Variants in PRKCB observed in about 807,000 individuals in gnomAD.
PRKCB encodes protein kinase C beta type.
PRKCB carries 13 observed loss-of-function variants against 81.5 expected under a neutral mutation model. The ratio of observed to expected loss-of-function variants is 0.16; its 90% confidence interval spans 0.10 to 0.25. The LOEUF is 0.25. PRKCB is among the 10% of genes least tolerant of loss of function. The pLI, the probability that PRKCB is intolerant of heterozygous loss-of-function variation, is 1.00. For missense variants in PRKCB, 509 were observed against 875.7 expected (o/e 0.58, Z 5.29); for synonymous variants, 335 against 321.4 (o/e 1.04, Z -0.45).
chr16:23,875,608 TATCA>T (rs1962992154), intron 2 of PRKCB, among the ~76,000 whole-genome samples: 1 of 146,360 alleles, frequency 6.8e-6, no homozygotes, highest in East Asian at 2.1e-4. Context: ...TATGTATGTA[TATCA>T]CACACATATA....
At chr16:24,015,570 A>G (rs1965266617) in intron 3 of PRKCB, among the ~76,000 whole-genome samples, 1 of 152,170 alleles carries the variant, frequency 6.6e-6, no homozygotes, top group Admixed American at 6.5e-5. Context: ...CTCCCTTCCC[A>G]TGGGGCAGAG....
At chr16:23,846,673 G>A (rs866319472) in intron 2 of PRKCB, among the ~76,000 whole-genome samples, 5 of 148,766 alleles carry the variant, frequency 3.4e-5, no homozygotes, top group Middle Eastern at 7.0e-3. Flanking sequence ...TTGAGTCAGC[G>A]AGGGTACACT....
chr16:24,156,432 G>A (rs944785781), intron 10 of PRKCB, among the ~76,000 whole-genome samples: 4 of 151,908 alleles, frequency 2.6e-5, no homozygotes, highest in Non-Finnish European at 4.4e-5. Flanking sequence ...ACACCACCAC[G>A]CCCAGCTAAT....
chr16:23,844,827 ACT>A (rs945004212), intron 2 of PRKCB, among the ~76,000 whole-genome samples: 16 of 141,436 alleles, frequency 1.1e-4, no homozygotes, highest in African/African-American at 4.0e-4. Context: ...GTTTAGACAA[ACT>A]CTCACTCTTT....
At chr16:23,950,943 C>G (rs1240326601) in intron 2 of PRKCB, among the ~76,000 whole-genome samples, 1 of 152,186 alleles carries the variant, frequency 6.6e-6, no homozygotes, top group Non-Finnish European at 1.5e-5. Flanking sequence ...ATGGGGTACT[C>G]TATTCCCTGA....
rs554672439 is a variant in PRKCB at position 23,907,546 on chromosome 16, G to A, written c.205+70140G>A. 3.3e-5 allele frequency among the ~76,000 whole-genome samples: 5 copies of A among 152,200 alleles called. No individual in the cohort carries two copies. The East Asian group carries it at 5.8e-4, about 18-fold the overall frequency. On this transcript the variant is annotated intron_variant, in intron 2 of 16. Transcript: ENST00000643927. ...CTCCTGAAGCACTGGGATTATGGGC[G>A]TGAGCCACTGTGCCCAGCCTGAACA...
intron 12 of PRKCB, among the ~76,000 whole-genome samples, chr16:24,175,633 T>G (rs1967517236): frequency 6.6e-6 from 1 of 151,660 alleles, no homozygotes; most frequent in Non-Finnish European, 1.5e-5. Flanking sequence ...AGGGGTGACT[T>G]GAGAGTCCTG....
At chr16:24,170,725 A>C (rs1173709318) in intron 10 of PRKCB, among the ~76,000 whole-genome samples, 1 of 152,232 alleles carries the variant, frequency 6.6e-6, no homozygotes. Context: ...CCAGGTGTTG[A>C]ATAACTTCTC....
chr16:24,060,263 A>G (rs2141876870), intron 5 of PRKCB, among the ~76,000 whole-genome samples: 1 of 152,228 alleles, frequency 6.6e-6, no homozygotes, highest in South Asian at 2.1e-4. Context: ...GCGAGCAGAG[A>G]GAGTAGCCTG....
intron 3 of PRKCB, among the ~76,000 whole-genome samples, chr16:23,992,097 G>T (rs1964893318): frequency 6.6e-6 from 1 of 152,214 alleles, no homozygotes; most frequent in Admixed American, 6.5e-5. Context: ...GCAATGAGAA[G>T]ACAGTTGTGT....
At position 24,062,604 on chromosome 16, in the gene PRKCB, G is replaced by A. The variant is rs540341578; in HGVS notation, c.529+27057G>A. On this transcript the variant is annotated intron_variant, in intron 5 of 16. Coordinates refer to ENST00000643927, the MANE Select transcript of PRKCB (RefSeq NM_002738.7). ...ATAAACTGAGAACCAGAGAGGTTGA[G>A]CAACTGGTCTGAAGTCACGCAGCAA... 2.4e-3 allele frequency among the ~76,000 whole-genome samples: 369 copies of A among 152,310 alleles called. 1 individual carries two copies. Among genetic ancestry groups the A allele is most frequent in the African/African-American group, 8.7e-3 (360 of 41,578 alleles).
chr16:23,955,171 A>G (rs189875), intron 2 of PRKCB, among the ~76,000 whole-genome samples: 141,399 of 151,944 alleles, frequency 0.93, 65,925 homozygotes, highest in East Asian at 1. Context: ...GTAGTGAGCC[A>G]AGATGGCACC....
At chr16:23,889,849 CATCT>C (rs982545249) in intron 2 of PRKCB, among the ~76,000 whole-genome samples, 1 of 152,224 alleles carries the variant, frequency 6.6e-6, no homozygotes, top group African/African-American at 2.4e-5. Context: ...TCTCATCTAT[CATCT>C]ATCTATTTAC....
chr16:24,183,477 A>G (rs1374027135), intron 13 of PRKCB, among the ~76,000 whole-genome samples: 1 of 152,210 alleles, frequency 6.6e-6, no homozygotes, highest in Non-Finnish European at 1.5e-5. Context: ...TCCTGTAATC[A>G]ACATCTCTGC....
At chr16:24,008,885 C>T (rs1965163892) in intron 3 of PRKCB, among the ~76,000 whole-genome samples, 1 of 152,102 alleles carries the variant, frequency 6.6e-6, no homozygotes, top group Admixed American at 6.6e-5. Context: ...AGCCACCACC[C>T]TTTCACTCTG....
Position 24,216,840 on chromosome 16 carries a change from C to T in PRKCB, c.*2024C>T. On this transcript the variant is annotated 3_prime_UTR_variant, in exon 17 of 17. Transcript: ENST00000643927. ...CATCTGGAAAGAGGAAGGAATTTGC[C>T]CAAAGTCAGTCAGCTGGGATAAAAA... 1 of 985,406 alleles carries T rather than the reference C, an allele frequency of 1.0e-6. No homozygotes were observed. Among genetic ancestry groups the T allele is most frequent in the Non-Finnish European group, 1.2e-6 (1 of 829,958 alleles). 61.0% of individuals were successfully genotyped at this position (985,406 alleles called of 1,614,324 possible).
At chr16:23,911,127 G>GTTTTTTTTTTTTTTTTT (rs1567310884) in intron 2 of PRKCB, among the ~76,000 whole-genome samples, 2 of 11,788 alleles carry the variant, frequency 1.7e-4, no homozygotes, top group African/African-American at 3.2e-4. Flanking sequence ...ACGTATATAT[G>GTTTTTTTTTTTTTTTTT]CTTTTTTTTT....
chr16:23,918,383 A>AATTT (rs1567313717), intron 2 of PRKCB, among the ~76,000 whole-genome samples: 2 of 147,528 alleles, frequency 1.4e-5, no homozygotes, highest in African/African-American at 2.5e-5. Flanking sequence ...TTACCTTTTT[A>AATTT]TTATTATTAT....
rs112814112 is a variant in PRKCB at position 23,877,828 on chromosome 16, C to CT, written c.205+40435dup. On this transcript the variant is annotated intron_variant, in intron 2 of 16. Transcript: ENST00000643927. ...ACAGTACTCTGAGGTGCAGTCACTT[C>CT]TTTTTTTTTTTTTCCTTTTTTTCAA... Among the ~76,000 whole-genome samples the CT allele has an allele frequency of 1.6e-3, 232 of 142,390 alleles. 1 individual carries two copies. Among genetic ancestry groups the CT allele is most frequent in the Admixed American group, 3.0e-3 (43 of 14,192 alleles). The allele number at this position is 142,390 out of a possible 152,430, so 93.4% of individuals were successfully genotyped here.
Sources: gnomAD v4.1 joint callset for allele counts (sites outside exome capture counted in the v4.1 genomes callset) on GRCh38, gnomAD v4.1.1 for gene constraint, MANE v1.5 for transcripts, NCBI Gene and HGNC (gene_info 2026-07-23, HGNC 2026-07-21) for gene names.